The following CRY1 variants were observed in gnomAD, a reference collection of about 807,000 sequenced individuals.
CRY1 encodes the protein cryptochrome-1.
A neutral mutation model predicts 76.0 loss-of-function variants in CRY1; 45 were observed. The ratio of observed to expected loss-of-function variants is 0.59; its 90% CI spans 0.47 to 0.76. The LOEUF is 0.76. Among genes scored for constraint, CRY1 ranks in the 30% least tolerant of loss-of-function variants. The probability of loss-of-function intolerance (pLI) is 0.00; values close to 1 mark genes in which losing one functional copy is unlikely to be tolerated. For synonymous variants in CRY1, 248 were observed against 244.0 expected, an observed-to-expected ratio of 1.02 and a Z score of -0.15; for missense variants, 587 against 716.4, an observed-to-expected ratio of 0.82 and a Z score of 2.06.
At position 107,043,936 on chromosome 12, in the gene CRY1, AG is replaced by A. The variant is rs144975993; in HGVS notation, c.159-21745del. On this transcript the variant is annotated intron_variant, in intron 1 of 12. Transcript: ENST00000008527. ...TTGCTCCCCAGGCTCAAACCTCCAAAGTACCCCTTACTCCATGGAGTCAGGC... is the reference window on the plus strand; with the variant it reads ...TTGCTCCCCAGGCTCAAACCTCCAAATACCCCTTACTCCATGGAGTCAGGC... Among the ~76,000 whole-genome samples the A allele has an allele frequency of 6.9e-3, 1,051 of 152,178 alleles. 17 individuals carry two copies. Among genetic ancestry groups the A allele is most frequent in the African/African-American group, 0.024 (1,008 of 41,526 alleles).
At chr12:107,005,929 A>C (rs191392598) in intron 2 of CRY1, among the ~76,000 whole-genome samples, 543 of 152,124 alleles carry the variant, frequency 3.6e-3, no homozygotes, top group South Asian at 0.014. Flanking sequence ...AAAGGAATTG[A>C]TTTTTCTTAA....
Position 106,999,851 on chromosome 12 carries a change from G to A in CRY1, c.837C>T (p.Asn279=). ...CATAAAGGGAAAGGGGAGGGGAACT[G>A]TTCTTCTTTACCTATGGTTAAAAAG... The part of the protein sequence containing the change: ...LTDLYKKVKK[N]SSPPLSLYGQ... Residue 279 remains asparagine, a synonymous_variant, in exon 7 of 13, where the codon AAC becomes AAT. Coordinates refer to ENST00000008527, the MANE Select transcript of CRY1 (RefSeq NM_004075.5). 6.2e-7 allele frequency: 1 copy of A among 1,609,868 alleles called. No individual in the cohort carries two copies. Among genetic ancestry groups the A allele is most frequent in the Admixed American group, 1.7e-5 (1 of 59,074 alleles).
At chr12:107,003,053 T>G (rs759315944) in intron 3 of CRY1, among the ~76,000 whole-genome samples, 1 of 152,210 alleles carries the variant, frequency 6.6e-6, no homozygotes, top group Non-Finnish European at 1.5e-5. Flanking sequence ...CCTATTTCCT[T>G]CAGCAAATTT....
intron 1 of CRY1, among the ~76,000 whole-genome samples, chr12:107,075,835 TG>T (rs1953246030): frequency 6.6e-6 from 1 of 152,126 alleles, no homozygotes; most frequent in South Asian, 2.1e-4. Context: ...GTTATTTGAA[TG>T]GATATGAGAT....
At chr12:107,032,394 G>A (rs7303842) in intron 1 of CRY1, among the ~76,000 whole-genome samples, 18,849 of 151,698 alleles carry the variant, frequency 0.12, 1,971 homozygotes, top group African/African-American at 0.27. Context: ...AAAATCCTCC[G>A]AGAATGAATC....
At chr12:107,078,329 T>C (rs1953282736) in intron 1 of CRY1, among the ~76,000 whole-genome samples, 1 of 152,092 alleles carries the variant, frequency 6.6e-6, no homozygotes. Flanking sequence ...TTCCCACCTC[T>C]AAGTCTTTGA....
intron 2 of CRY1, among the ~76,000 whole-genome samples, chr12:107,017,692 G>A (rs1952512222): frequency 1.3e-5 from 2 of 152,170 alleles, no homozygotes; most frequent in Admixed American, 1.3e-4. Flanking sequence ...TTTGACACTT[G>A]GTTAAAAACA....
At chr12:107,041,798 T>C (rs1293282943) in intron 1 of CRY1, among the ~76,000 whole-genome samples, 1 of 81,430 alleles carries the variant, frequency 1.2e-5, no homozygotes, top group Non-Finnish European at 2.5e-5. Flanking sequence ...GGGGTGGGGG[T>C]GGGGAAGAGT....
chr12:107,058,722 C>A (rs1252997617), intron 1 of CRY1, among the ~76,000 whole-genome samples: 2 of 152,114 alleles, frequency 1.3e-5, no homozygotes, highest in Admixed American at 6.5e-5. Context: ...TTTGCGAAGA[C>A]AGAAAATTCT....
chr12:107,055,649 A>G (rs1250114351), intron 1 of CRY1, among the ~76,000 whole-genome samples: 1 of 152,186 alleles, frequency 6.6e-6, no homozygotes, highest in African/African-American at 2.4e-5. Flanking sequence ...TGAAAAGACA[A>G]TAAAACTAAC....
chr12:107,017,055 CCT>C (rs746802253), intron 2 of CRY1, among the ~76,000 whole-genome samples: 5 of 152,224 alleles, frequency 3.3e-5, no homozygotes, highest in African/African-American at 1.2e-4. Flanking sequence ...CTTCCAATCC[CCT>C]GTGTATTCTC....
intron 1 of CRY1, among the ~76,000 whole-genome samples, chr12:107,077,523 C>G (rs1415061152): frequency 6.6e-6 from 1 of 152,190 alleles, no homozygotes; most frequent in East Asian, 1.9e-4. Context: ...GTCAGATGTT[C>G]TAAACTTACT....
chr12:107,016,251 A>C (rs1253865097), intron 2 of CRY1, among the ~76,000 whole-genome samples: 1 of 152,222 alleles, frequency 6.6e-6, no homozygotes, highest in Non-Finnish European at 1.5e-5. Flanking sequence ...TGGAGGCTGC[A>C]GTGAGCTGAG....
intron 1 of CRY1, among the ~76,000 whole-genome samples, chr12:107,057,657 G>C (rs1215717123): frequency 6.6e-6 from 1 of 152,050 alleles, no homozygotes; most frequent in African/African-American, 2.4e-5. Flanking sequence ...CCTGAGTCCA[G>C]GAGCTGGGGG....
intron 1 of CRY1, chr12:107,049,764 T>C (rs534396052): frequency 1.5e-4 from 23 of 152,312 alleles, no homozygotes; most frequent in African/African-American, 5.5e-4. Context: ...ATTTTTAGTA[T>C]ACATACCTGG....
At chr12:107,088,170 G>A (rs992743439) in intron 1 of CRY1, among the ~76,000 whole-genome samples, 1 of 152,160 alleles carries the variant, frequency 6.6e-6, no homozygotes, top group African/African-American at 2.4e-5. Context: ...GGAGGTGAGA[G>A]GTGTTTGGAA....
At chr12:107,062,479 C>T (rs1953059644) in intron 1 of CRY1, among the ~76,000 whole-genome samples, 1 of 151,942 alleles carries the variant, frequency 6.6e-6, no homozygotes, top group Admixed American at 6.6e-5. Flanking sequence ...TTAGTTTTTC[C>T]TTGATGCTCA....
At chr12:107,025,688 T>C (rs1382423425) in intron 1 of CRY1, among the ~76,000 whole-genome samples, 1 of 152,174 alleles carries the variant, frequency 6.6e-6, no homozygotes, top group Non-Finnish European at 1.5e-5. Context: ...TAGATCTGCC[T>C]ACTAACAATC....
At chr12:107,068,946 T>G (rs1301428674) in intron 1 of CRY1, among the ~76,000 whole-genome samples, 1 of 152,224 alleles carries the variant, frequency 6.6e-6, no homozygotes, top group Non-Finnish European at 1.5e-5. Context: ...GAGACCATAT[T>G]TTGTTTATCC....
Sources: allele counts gnomAD v4.1 joint callset (sites outside exome capture counted in the v4.1 genomes callset), GRCh38; gene constraint gnomAD v4.1.1; transcripts MANE v1.5; gene names NCBI Gene and HGNC (gene_info 2026-07-23, HGNC 2026-07-21).